F9: variants seen among roughly 807,000 people sequenced by gnomAD.
The protein encoded by F9 is Christmas factor.
Under a neutral mutation model 34.1 loss-of-function variants are expected in F9, and 2 were observed. The ratio of observed to expected loss-of-function variants is 0.06; its 90% CI spans 0.02 to 0.18. F9 has a LOEUF of 0.18. F9 is among the 10% of genes least tolerant of loss of function. F9 has a pLI of 1.00. For missense variants in F9, 216 were observed against 345.1 expected (o/e 0.63, Z 2.96); for synonymous variants, 137 against 118.8 (o/e 1.15, Z -1.00).
intron 6 of F9, among the ~76,000 whole-genome samples, chrX:139,553,511 A>T (rs752758118): frequency 9.0e-6 from 1 of 111,603 alleles, no homozygotes; most frequent in East Asian, 2.8e-4. Context: ...GGTTTGTGGG[A>T]CATAGAACAG....
intron 6 of F9, among the ~76,000 whole-genome samples, chrX:139,552,371 T>C (rs1927866095): frequency 8.9e-6 from 1 of 111,947 alleles, no homozygotes; most frequent in Non-Finnish European, 1.9e-5. Context: ...ACATTTTTCA[T>C]TTAACAACCA....
chrX:139,553,812 C>CAAAA (rs3073312), intron 6 of F9, among the ~76,000 whole-genome samples: 3 of 12,180 alleles, frequency 2.5e-4, no homozygotes, highest in African/African-American at 3.4e-4. Flanking sequence ...GACTCCGTCT[C>CAAAA]AAAAAAAAAA....
intron 4 of F9, 25 bp downstream of exon 4, chrX:139,541,214 C>T: frequency 9.7e-7 from 1 of 1,031,025 alleles, no homozygotes; most frequent in South Asian, 1.9e-5. Flanking sequence ...TTTGAATACT[C>T]ATGGTTCAAA....
intron 4 of F9, among the ~76,000 whole-genome samples, chrX:139,542,655 A>G (rs1927628191): frequency 8.9e-6 from 1 of 112,113 alleles, no homozygotes; most frequent in African/African-American, 3.2e-5. Context: ...AATTGAAAAC[A>G]TAAATATCTT....
intron 5 of F9, 38 bp from the exon 6 acceptor site, chrX:139,551,024 G>A: frequency 8.7e-7 from 1 of 1,151,199 alleles, no homozygotes; most frequent in Non-Finnish European, 1.2e-6. Context: ...TTGCCAATGA[G>A]AAATATCAGG....
chrX:139,546,583 A>G (rs1165464846), intron 4 of F9, among the ~76,000 whole-genome samples: 1 of 112,174 alleles, frequency 8.9e-6, no homozygotes, highest in Admixed American at 9.5e-5. Context: ...ATGATTGTAC[A>G]TATAGAAAAC....
chrX:139,537,324 G>A (rs1927505624), intron 2 of F9, 38 bp from the exon 3 acceptor site: 3 of 1,159,663 alleles, frequency 2.6e-6, no homozygotes, highest in Admixed American at 4.4e-5. Flanking sequence ...AAACACTTTA[G>A]ATATTACCGT....
Position 139,530,792 on chromosome X carries a change from G to C in F9, c.28G>C (p.Glu10Gln). The change falls in exon 1 of 8, where the codon GAA becomes CAA. Residue 10 changes from glutamate (E) to glutamine (Q), a missense_variant. Physicochemically the swap from Glu to Gln is conservative, Grantham distance 29. Coordinates refer to ENST00000218099, the MANE Select transcript of F9 (RefSeq NM_000133.4). The stretch of plus-strand genomic sequence containing the variant: ...GCAGCGCGTGAACATGATCATGGCA[G>C]AATCACCAGGCCTCATCACCATCTG... MQRVNMIMA[E>Q]SPGLITICLL... is the part of the protein sequence containing the mutation. The C allele has an allele frequency of 8.3e-7, 1 of 1,211,132 alleles. No individual in the cohort carries two copies.
At position 139,537,537 on chromosome X, in the gene F9, T is replaced by C. The variant is rs559856165; in HGVS notation, c.277+151T>C. 8.5e-5 allele frequency: 40 copies of C among 469,471 alleles called. No individual in the cohort carries two copies. In the South Asian group the frequency reaches 1.4e-3, roughly 17 times the overall value. The allele number at this position is 469,471 out of a possible 1,213,427, so 38.7% of individuals were successfully genotyped here. On this transcript the variant is annotated intron_variant, in intron 3 of 7. Transcript: ENST00000218099. Reference sequence around the variant, plus strand: ...CTCTAACCCATATTGAATGGTGATATACTACAGGGTTATGCCAGTGTGGGA... The same window carrying C: ...CTCTAACCCATATTGAATGGTGATACACTACAGGGTTATGCCAGTGTGGGA...
At chrX:139,550,432 A>G (rs1169369115) in intron 5 of F9, among the ~76,000 whole-genome samples, 1 of 112,080 alleles carries the variant, frequency 8.9e-6, no homozygotes, top group African/African-American at 3.2e-5. Context: ...GTATCAATAC[A>G]TTATTTTTCT....
chrX:139,539,082 C>T (rs1398130844), intron 3 of F9, among the ~76,000 whole-genome samples: 2 of 112,169 alleles, frequency 1.8e-5, no homozygotes, highest in Non-Finnish European at 3.8e-5. Context: ...AAGCTTCTCA[C>T]TGCTGTGCTA....
chrX:139,551,611 T>C (rs932943920), intron 6 of F9, among the ~76,000 whole-genome samples: 2 of 110,013 alleles, frequency 1.8e-5, no homozygotes, highest in African/African-American at 6.6e-5. Flanking sequence ...CTGGTGAGAG[T>C]TGGAAAGTCT....
At chrX:139,542,152 A>G (rs1006436912) in intron 4 of F9, among the ~76,000 whole-genome samples, 1 of 112,092 alleles carries the variant, frequency 8.9e-6, no homozygotes, top group Non-Finnish European at 1.9e-5. Flanking sequence ...ATGAAATGAA[A>G]TGTAGCAGCT....
At chrX:139,549,230 G>T (rs1927786309) in intron 5 of F9, among the ~76,000 whole-genome samples, 1 of 111,466 alleles carries the variant, frequency 9.0e-6, no homozygotes, top group South Asian at 3.8e-4. Flanking sequence ...AAGCAAACTA[G>T]ATATAATTTC....
At position 139,562,088 on chromosome X, in the gene F9, A is replaced by C; in HGVS notation, c.*17A>C. On this transcript the variant is annotated 3_prime_UTR_variant, in exon 8 of 8. Transcript: ENST00000218099. ...CTCACTTAATGAAAGATGGATTTCC[A>C]AGGTTAATTCATTGGAATTGAAAAT... 8.4e-7 allele frequency: 1 copy of C among 1,195,886 alleles called. No homozygotes were observed. Among genetic ancestry groups the C allele is most frequent in the Non-Finnish European group, 1.1e-6 (1 of 881,192 alleles).
intron 1 of F9, 51 bp downstream of exon 1, chrX:139,530,903 G>A (rs752226960): frequency 5.2e-6 from 5 of 957,044 alleles, no homozygotes; most frequent in Non-Finnish European, 6.0e-6. Flanking sequence ...TTTAGATATA[G>A]AAATATCTGA....
At position 139,562,205 on chromosome X, in the gene F9, G is replaced by A. The variant is rs890724825; in HGVS notation, c.*134G>A. 7 of 578,062 alleles carry A rather than the reference G, an allele frequency of 1.2e-5. No homozygotes were observed. In the Admixed American group the frequency reaches 2.3e-4, roughly 19 times the overall value. The allele number at this position is 578,062 out of a possible 1,213,427, so 47.6% of individuals were successfully genotyped here. The stretch of plus-strand genomic sequence containing the variant: ...GATCATTGCTTTTTCTCTTTACAGG[G>A]GAGAATTTCATATTTTACCTGAGCA... On this transcript the variant is annotated 3_prime_UTR_variant, in exon 8 of 8. Coordinates refer to ENST00000218099, the MANE Select transcript of F9 (RefSeq NM_000133.4).
At chrX:139,541,816 C>T (rs949933417) in intron 4 of F9, among the ~76,000 whole-genome samples, 1 of 112,006 alleles carries the variant, frequency 8.9e-6, no homozygotes, top group African/African-American at 3.2e-5. Context: ...TACATAGCAA[C>T]CTTAGAATCC....
intron 3 of F9, among the ~76,000 whole-genome samples, chrX:139,538,433 C>G (rs1927532342): frequency 8.9e-6 from 1 of 111,817 alleles, no homozygotes; most frequent in Admixed American, 9.5e-5. Flanking sequence ...AGAAATTAAT[C>G]CAGACAACAA....
Sources: gnomAD v4.1 joint callset for allele counts (sites outside exome capture counted in the v4.1 genomes callset) on GRCh38, gnomAD v4.1.1 for gene constraint, MANE v1.5 for transcripts, NCBI Gene and HGNC (gene_info 2026-07-23, HGNC 2026-07-21) for gene names.